Variants in TENM2 observed in about 807,000 individuals in gnomAD.
TENM2 encodes the protein teneurin-2.
A neutral mutation model predicts 245.2 loss-of-function variants in TENM2; 52 were observed. That is an observed-to-expected ratio of 0.21 (90% CI 0.17 to 0.27). TENM2 has a LOEUF of 0.27. Ranked by LOEUF, TENM2 falls within the 10% of genes least tolerant of loss-of-function variation. TENM2 has a pLI of 1.00. For missense variants in TENM2, 3,046 were observed against 3,666.8 expected (o/e 0.83, Z 4.37); for synonymous variants, 1,363 against 1,438.9 (o/e 0.95, Z 1.19).
the TENM2 span, among the ~76,000 whole-genome samples, chr5:167,213,778 T>C: frequency 3.3e-5 from 5 of 152,222 alleles, no homozygotes; most frequent in African/African-American, 1.2e-4. Flanking sequence ...GTGCTACTAA[T>C]GGTTGCAGAT....
At chr5:167,685,935 C>T (rs1379075890) in intron 2 of TENM2, among the ~76,000 whole-genome samples, 6 of 152,156 alleles carry the variant, frequency 3.9e-5, no homozygotes, top group Admixed American at 2.6e-4. Flanking sequence ...GCAAAATACC[C>T]TGAGTTTAAA....
chr5:167,311,608 A>G (rs1343294256), intron 1 of TENM2, among the ~76,000 whole-genome samples: 1 of 152,106 alleles, frequency 6.6e-6, no homozygotes. Context: ...TGCGTTTTTC[A>G]TATTATAATA....
At chr5:167,220,896 A>G in the TENM2 span, among the ~76,000 whole-genome samples, 1 of 151,608 alleles carries the variant, frequency 6.6e-6, no homozygotes, top group South Asian at 2.1e-4. Flanking sequence ...GCTCAATGTC[A>G]GCTCACTGCA....
At chr5:167,581,948 G>C (rs2127683987) in intron 2 of TENM2, among the ~76,000 whole-genome samples, 1 of 152,020 alleles carries the variant, frequency 6.6e-6, no homozygotes, top group South Asian at 2.1e-4. Context: ...GCGTTACAAA[G>C]CCATTGGAGC....
chr5:167,586,624 G>A (rs1231219755), intron 2 of TENM2, among the ~76,000 whole-genome samples: 1 of 152,132 alleles, frequency 6.6e-6, no homozygotes, highest in Non-Finnish European at 1.5e-5. Flanking sequence ...ACCCAGGATA[G>A]TTTATTATAT....
chr5:167,977,970 A>G (rs1014821982), intron 4 of TENM2, among the ~76,000 whole-genome samples: 9 of 152,040 alleles, frequency 5.9e-5, no homozygotes, highest in Non-Finnish European at 1.0e-4. Context: ...GTAATGAATA[A>G]GTTTTTGCTC....
At chr5:167,150,556 T>G in the TENM2 span, among the ~76,000 whole-genome samples, 2 of 152,354 alleles carry the variant, frequency 1.3e-5, no homozygotes, top group East Asian at 3.9e-4. Context: ...AACACTCACA[T>G]AGTGCTTACT....
intron 9 of TENM2, 129 bp downstream of exon 11, chr5:168,098,256 A>G (rs1453675072): frequency 1.0e-5 from 7 of 678,238 alleles, no homozygotes; most frequent in African/African-American, 3.6e-5. Context: ...AAGCCCATGC[A>G]TGCCAGAAGG....
exon 22 of TENM2, chr5:168,216,773 G>A (rs1763234171): frequency 5.6e-6 from 9 of 1,613,800 alleles, no homozygotes; most frequent in Non-Finnish European, 7.6e-6. Context: ...CTCAGGTATT[G>A]CAGTAGACAA....
At chr5:167,577,946 C>T (rs1406638663) in intron 2 of TENM2, among the ~76,000 whole-genome samples, 1 of 152,170 alleles carries the variant, frequency 6.6e-6, no homozygotes, top group Non-Finnish European at 1.5e-5. Flanking sequence ...CCCTGAGGAG[C>T]CTGTCTTTGA....
chr5:167,980,656 G>C (rs1290397513), intron 4 of TENM2, among the ~76,000 whole-genome samples: 3 of 152,178 alleles, frequency 2.0e-5, no homozygotes, highest in African/African-American at 4.8e-5. Context: ...TTTGAAATAT[G>C]TTTTGATTTA....
At chr5:167,431,963 A>ATATATATACG (rs1561950465) in intron 2 of TENM2, among the ~76,000 whole-genome samples, 5 of 137,196 alleles carry the variant, frequency 3.6e-5, no homozygotes, top group African/African-American at 1.4e-4. Context: ...ATATATATGT[A>ATATATATACG]TATATATATA....
chr5:167,167,345 T>C, the TENM2 span, among the ~76,000 whole-genome samples: 1 of 152,208 alleles, frequency 6.6e-6, no homozygotes, highest in Non-Finnish European at 1.5e-5. Flanking sequence ...CCCCAGGCCA[T>C]GCTCTGTGTT....
chr5:167,621,048 A>G (rs922053612), intron 2 of TENM2, among the ~76,000 whole-genome samples: 1 of 151,990 alleles, frequency 6.6e-6, no homozygotes, highest in African/African-American at 2.4e-5. Context: ...GACAGGATGG[A>G]AAATACTTTG....
the TENM2 span, among the ~76,000 whole-genome samples, chr5:167,206,444 T>G: frequency 6.6e-6 from 1 of 152,200 alleles, no homozygotes; most frequent in South Asian, 2.1e-4. Context: ...GTCAATGTTC[T>G]AATCTGTGCT....
chr5:167,075,490 A>G, the TENM2 span, among the ~76,000 whole-genome samples: 34 of 152,332 alleles, frequency 2.2e-4, no homozygotes, highest in Non-Finnish European at 4.3e-4. Flanking sequence ...GCAAGGCTAC[A>G]TGGTGCTGGG....
At chr5:167,449,610 G>T (rs950413484) in intron 2 of TENM2, among the ~76,000 whole-genome samples, 9 of 152,148 alleles carry the variant, frequency 5.9e-5, no homozygotes, top group African/African-American at 1.9e-4. Flanking sequence ...TTATAGTTTG[G>T]TGCTTTCTAA....
chr5:167,379,744 A>C (rs1760981295), intron 2 of TENM2, among the ~76,000 whole-genome samples: 1 of 152,122 alleles, frequency 6.6e-6, no homozygotes, highest in African/African-American at 2.4e-5. Flanking sequence ...GCTGTTAAGG[A>C]AGTGAAAAGT....
chr5:167,363,730 C>CAAAAAAAAAAAAAAAA (rs10659741), intron 1 of TENM2, among the ~76,000 whole-genome samples: 6 of 89,244 alleles, frequency 6.7e-5, no homozygotes, highest in Admixed American at 1.5e-4. Flanking sequence ...GACTCCATCT[C>CAAAAAAAAAAAAAAAA]AAAAAAAAAA....
Sources: gnomAD v4.1 joint callset for allele counts (sites outside exome capture counted in the v4.1 genomes callset) on GRCh38, gnomAD v4.1.1 for gene constraint, MANE v1.5 for transcripts, NCBI Gene and HGNC (gene_info 2026-07-23, HGNC 2026-07-21) for gene names.